PCDHGA4: variants seen among roughly 807,000 people sequenced by gnomAD.
The protein encoded by PCDHGA4 is protocadherin gamma subfamily A, 4, also known as protocadherin gamma-A4.
PCDHGA4 carries 38 observed loss-of-function variants against 54.6 expected under a neutral mutation model. The observed-to-expected ratio is 0.70, with a 90% confidence interval of 0.54 to 0.91. The LOEUF (loss-of-function observed/expected upper bound fraction) is 0.91, where lower values mean the gene tolerates loss of function less well. PCDHGA4 is among the 40% of genes least tolerant of loss of function. PCDHGA4 has a pLI of 0.00. For synonymous variants in PCDHGA4, 511 were observed against 512.9 expected (o/e 1.00, Z 0.05); for missense variants, 1,298 against 1,220.9 (o/e 1.06, Z -0.94).
intron 3 of PCDHGA4, among the ~76,000 whole-genome samples, chr5:141,510,354 G>A (rs1311482557): frequency 2.1e-5 from 3 of 146,300 alleles, no homozygotes; most frequent in Non-Finnish European, 4.5e-5. Flanking sequence ...ACTTACTAAC[G>A]GAACTACCGA....
chr5:141,450,823 A>ATT (rs1453980247), intron 1 of PCDHGA4, among the ~76,000 whole-genome samples: 2 of 133,076 alleles, frequency 1.5e-5, no homozygotes, highest in East Asian at 2.2e-4. Flanking sequence ...TAATATTATT[A>ATT]TTATTATTTT....
At chr5:141,433,732 G>A (rs1181042854) in intron 1 of PCDHGA4, among the ~76,000 whole-genome samples, 2 of 151,886 alleles carry the variant, frequency 1.3e-5, no homozygotes, top group Non-Finnish European at 2.9e-5. Flanking sequence ...AGCTACTTGG[G>A]AGGCTGAGTC....
At chr5:141,469,671 A>T (rs1285283342) in intron 1 of PCDHGA4, among the ~76,000 whole-genome samples, 3 of 152,236 alleles carry the variant, frequency 2.0e-5, no homozygotes, top group Admixed American at 1.3e-4. Flanking sequence ...TTCTAATAAA[A>T]CTACATATGC....
chr5:141,463,467 G>A (rs200270457), intron 1 of PCDHGA4, among the ~76,000 whole-genome samples: 2,116 of 11,250 alleles, frequency 0.19, 39 homozygotes, highest in East Asian at 0.24. Context: ...TTTTTTTTTT[G>A]AGATGGAGTC....
intron 1 of PCDHGA4, among the ~76,000 whole-genome samples, chr5:141,446,448 T>C (rs954515926): frequency 2.6e-5 from 4 of 152,028 alleles, no homozygotes; most frequent in Non-Finnish European, 5.9e-5. Context: ...ACAGTGCAGA[T>C]ATTCAGTGTG....
At chr5:141,371,709 A>G in intron 1 of PCDHGA4, 1 of 1,613,916 alleles carries the variant, frequency 6.2e-7, no homozygotes, top group East Asian at 2.2e-5. Context: ...CAAGACCATC[A>G]CTCTGCACAT....
At chr5:141,366,288 C>G (rs1020562585) in intron 1 of PCDHGA4, 1 of 1,613,748 alleles carries the variant, frequency 6.2e-7, no homozygotes, top group Non-Finnish European at 8.5e-7. Flanking sequence ...GGCCAGCCCC[C>G]TCTGTCAGCC....
chr5:141,399,283 G>A, intron 1 of PCDHGA4: 2 of 1,613,888 alleles, frequency 1.2e-6, no homozygotes, highest in Non-Finnish European at 1.7e-6. Flanking sequence ...ACAAGGCGAA[G>A]TCCCTTTTAA....
In PCDHGA4 at chr5:141,480,033, C is replaced by G. The variant is rs370321166; in HGVS notation, c.2515-14774C>G. On this transcript the variant is annotated intron_variant, in intron 1 of 3. Coordinates refer to ENST00000571252, the MANE Select transcript of PCDHGA4 (RefSeq NM_018917.4). ...CTCAATCTCCTTTCTAAGCCTCTTC[C>G]TCATATGCAAAAAGGGAATAATAAG... is the stretch of plus-strand genomic sequence containing the variant. Among the ~76,000 whole-genome samples, 3 of 152,224 alleles carry G rather than the reference C, an allele frequency of 2.0e-5. No individual in the cohort carries two copies. The East Asian group carries it at 5.8e-4, about 29-fold the overall frequency.
rs376978832 is a variant in PCDHGA4, at chr5:141,395,250, C to T, written c.2514+37629C>T. On this transcript the variant is annotated intron_variant, in intron 1 of 3. Transcript: ENST00000571252. ...TGATCATGGTCAGGTGAGTTTAGTT[C>T]TTTGCTTGCTTTTAATTTCCAGATG... 1.1e-5 allele frequency: 17 copies of T among 1,558,200 alleles called. No individual in the cohort carries two copies. In the African/African-American group the frequency reaches 2.3e-4, roughly 21 times the overall value.
chr5:141,381,026 C>A (rs1409313580), intron 1 of PCDHGA4, among the ~76,000 whole-genome samples: 1 of 152,144 alleles, frequency 6.6e-6, no homozygotes, highest in Non-Finnish European at 1.5e-5. Flanking sequence ...CTATTAGTTC[C>A]TTTAAACAAA....
At position 141,431,982 on chromosome 5, in the gene PCDHGA4, T is replaced by G. The variant is rs2097433926; in HGVS notation, c.2515-62825T>G. The G allele has an allele frequency of 6.2e-7, 1 of 1,614,212 alleles. No homozygotes were observed. Among genetic ancestry groups the G allele is most frequent in the African/African-American group, 1.3e-5 (1 of 75,056 alleles). ...AATTACTATAGTTTAGTCACAGACA[T>G]AGTCTTGGATAGGGAACAGGTTCCT... On this transcript the variant is annotated intron_variant, in intron 1 of 3. Transcript: ENST00000571252. The surrounding 1 kb of genome is among the most constrained non-coding windows in gnomAD (Gnocchi z 4.8).
chr5:141,394,613 G>A (rs1402834373), intron 1 of PCDHGA4: 1 of 1,613,570 alleles, frequency 6.2e-7, no homozygotes, highest in Admixed American at 1.7e-5. Context: ...ACTCGGGCCA[G>A]AACGCCTGGC....
intron 1 of PCDHGA4, chr5:141,423,194 C>T (rs1467994226): frequency 3.7e-6 from 6 of 1,613,588 alleles, no homozygotes; most frequent in South Asian, 1.1e-5. Context: ...CCCCCTCTCT[C>T]GGCCACCGTC....
At position 141,491,613 on chromosome 5, in the gene PCDHGA4, A is replaced by AC; in HGVS notation, c.2515-3190dup. On this transcript the variant is annotated intron_variant, in intron 1 of 3. Coordinates refer to ENST00000571252, the MANE Select transcript of PCDHGA4 (RefSeq NM_018917.4). The surrounding 1 kb of genome is among the most constrained non-coding windows in gnomAD (Gnocchi z 6.9). Reference sequence around the variant, plus strand: ...ACGGCAGTGACTTCACTTTTCTAAGACCCCTCAGCGTTCAGCAGCCCACAG... The same window carrying AC: ...ACGGCAGTGACTTCACTTTTCTAAGACCCCCTCAGCGTTCAGCAGCCCACAG... 6.2e-7 allele frequency: 1 copy of AC among 1,613,568 alleles called. No homozygotes were observed. Among genetic ancestry groups the AC allele is most frequent in the Non-Finnish European group, 8.5e-7 (1 of 1,179,968 alleles).
At chr5:141,372,512 G>A (rs1343689121) in intron 1 of PCDHGA4, 1 of 1,614,024 alleles carries the variant, frequency 6.2e-7, no homozygotes, top group East Asian at 2.2e-5. Flanking sequence ...TCCTCCTCGC[G>A]GTGATTCTGG....
Position 141,487,226 on chromosome 5 carries a change from G to A in PCDHGA4, c.2515-7581G>A. ...TCGAGAATCTTCAGCTCCAAGGGAA[G>A]GAGAATCTCGTCTAACCCTCTACTT... is the stretch of plus-strand genomic sequence containing the variant. On this transcript the variant is annotated intron_variant, in intron 1 of 3. Transcript: ENST00000571252. This position sits in a 1 kb window ranked among gnomAD's most constrained non-coding sequence, Gnocchi z 5.0. The A allele has an allele frequency of 6.2e-7, 1 of 1,614,104 alleles. No individual in the cohort carries two copies. Among genetic ancestry groups the A allele is most frequent in the South Asian group, 1.1e-5 (1 of 91,074 alleles).
At chr5:141,410,100 G>A in intron 1 of PCDHGA4, 1 of 1,612,736 alleles carries the variant, frequency 6.2e-7, no homozygotes, top group Non-Finnish European at 8.5e-7. Context: ...CGAGCCTTAG[G>A]CGACAGGGAC....
At chr5:141,410,394 T>C in intron 1 of PCDHGA4, 1 of 1,614,054 alleles carries the variant, frequency 6.2e-7, no homozygotes, top group Non-Finnish European at 8.5e-7. Context: ...CATCCTGGTC[T>C]CTGTGTCAAG....
Sources: allele counts gnomAD v4.1 joint callset (sites outside exome capture counted in the v4.1 genomes callset), GRCh38; gene constraint gnomAD v4.1.1; non-coding constraint Gnocchi (gnomAD v3.1); transcripts MANE v1.5; gene names NCBI Gene and HGNC (gene_info 2026-07-23, HGNC 2026-07-21).